The following DOCK2 variants were observed in gnomAD, a reference collection of about 807,000 sequenced individuals.
DOCK2 encodes the protein dedicator of cytokinesis protein 2.
DOCK2 carries 87 observed loss-of-function variants against 248.9 expected under a neutral mutation model. That is an observed-to-expected ratio of 0.35 (90% CI 0.29 to 0.42). The LOEUF (loss-of-function observed/expected upper bound fraction) is 0.42, where lower values mean the gene tolerates loss of function less well. Among genes scored for constraint, DOCK2 ranks in the 10% least tolerant of loss-of-function variants. The pLI, the probability that DOCK2 is intolerant of heterozygous loss-of-function variation, is 1.00. For synonymous variants in DOCK2, 805 were observed against 821.6 expected (o/e 0.98, Z 0.35); for missense variants, 1,747 against 2,300.2 (o/e 0.76, Z 4.92).
At chr5:169,882,831 C>CTCCTGACACCTGCT in intron 27 of DOCK2, 1 of 1,550,840 alleles carries the variant, frequency 6.4e-7, no homozygotes, top group Non-Finnish European at 8.7e-7. Context: ...TTGCCGTCTG[C>CTCCTGACACCTGCT]TCCTGACACC....
Position 170,045,829 on chromosome 5 carries a change from C to T in DOCK2, c.3890C>T (p.Ala1297Val). The change falls in exon 39 of 52, where the codon GCC becomes GTC. Residue 1297 changes from alanine (A) to valine (V), a missense_variant. Ala to Val is a moderately conservative substitution (Grantham distance 64). Around this residue, in one of 4 missense-constraint regions of DOCK2, gnomAD observed 858 missense variants for 1,183.5 expected, o/e 0.72. Transcript: ENST00000520908. The part of the protein sequence containing the change: ...YFDKGKMWEE[A>V]ISLCKELAEQ... Reference sequence around the variant, plus strand: ...ACCTTCCTGTAGATGTGGGAAGAGGCCATAAGTCTGTGCAAGGAGCTGGCG... The same window carrying T: ...ACCTTCCTGTAGATGTGGGAAGAGGTCATAAGTCTGTGCAAGGAGCTGGCG... 6.2e-7 allele frequency: 1 copy of T among 1,614,108 alleles called. No homozygotes were observed. Among genetic ancestry groups the T allele is most frequent in the Non-Finnish European group, 8.5e-7 (1 of 1,179,988 alleles).
At chr5:170,021,723 A>C (rs761512313) in intron 33 of DOCK2, among the ~76,000 whole-genome samples, 27 of 152,172 alleles carry the variant, frequency 1.8e-4, no homozygotes, top group Non-Finnish European at 7.3e-5. Context: ...GCAGATGCCC[A>C]TGTGAAAACC....
chr5:170,062,335 C>G (rs1327092545), intron 44 of DOCK2, among the ~76,000 whole-genome samples: 3 of 152,094 alleles, frequency 2.0e-5, no homozygotes, highest in South Asian at 2.1e-4. Context: ...CCTCCACCCC[C>G]AAATGCACCA....
Position 169,696,315 on chromosome 5 carries a change from A to G in DOCK2, c.979+377A>G, listed in dbSNP as rs1021188898. 2.0e-5 allele frequency among the ~76,000 whole-genome samples: 3 copies of G among 152,344 alleles called. No individual in the cohort carries two copies. In the East Asian group the frequency reaches 5.8e-4, roughly 29 times the overall value. ...AGGACAGGAAATGCAGTTACACAGA[A>G]TGAGTCACCTACCACACATCTAAAT... On this transcript the variant is annotated intron_variant, in intron 10 of 51. Transcript: ENST00000520908.
At chr5:169,924,358 A>C (rs529677390) in intron 27 of DOCK2, among the ~76,000 whole-genome samples, 8 of 152,228 alleles carry the variant, frequency 5.3e-5, no homozygotes, top group Non-Finnish European at 1.2e-4. Context: ...TTGCTCCCTA[A>C]AAGTCTAACC....
chr5:169,779,722 G>T (rs1369768722), intron 25 of DOCK2, among the ~76,000 whole-genome samples: 1 of 151,598 alleles, frequency 6.6e-6, no homozygotes, highest in Non-Finnish European at 1.5e-5. Flanking sequence ...ATCCCATGCA[G>T]CCCCTTTTCT....
intron 27 of DOCK2, among the ~76,000 whole-genome samples, chr5:169,956,582 G>A (rs1262027529): frequency 6.6e-6 from 1 of 152,176 alleles, no homozygotes; most frequent in Non-Finnish European, 1.5e-5. Flanking sequence ...AAGATGCTGG[G>A]CACAGGTATA....
At chr5:170,008,224 AC>A (rs147027601) in intron 30 of DOCK2, among the ~76,000 whole-genome samples, 9,260 of 73,380 alleles carry the variant, frequency 0.13, 360 homozygotes, top group South Asian at 0.2. Context: ...AACAACAACA[AC>A]AAAAAAAAAA....
At chr5:169,963,518 C>T (rs1241917082) in intron 27 of DOCK2, among the ~76,000 whole-genome samples, 2 of 152,094 alleles carry the variant, frequency 1.3e-5, no homozygotes, top group Non-Finnish European at 2.9e-5. Flanking sequence ...TGTGCATGTC[C>T]CTTAGAGCTG....
intron 26 of DOCK2, among the ~76,000 whole-genome samples, chr5:169,813,132 C>T (rs1433953600): frequency 6.6e-6 from 1 of 152,206 alleles, no homozygotes; most frequent in East Asian, 1.9e-4. Flanking sequence ...TGAGCTGGAG[C>T]TGGCTCTTTC....
Position 169,763,673 on chromosome 5 carries a change from G to T in DOCK2, c.2554+2048G>T, listed in dbSNP as rs905490732. Among the ~76,000 whole-genome samples, 3 of 152,206 alleles carry T rather than the reference G, an allele frequency of 2.0e-5. No homozygotes were observed. Among genetic ancestry groups the T allele is most frequent in the African/African-American group, 4.8e-5 (2 of 41,446 alleles). ...AGTCCTGCTGTGTGTCTGGGTTTCA[G>T]ATTCAGTAGAAACCCTCTGATTAAT... On this transcript the variant is annotated intron_variant, in intron 25 of 51. Transcript: ENST00000520908. This position sits in a 1 kb window ranked among gnomAD's most constrained non-coding sequence, Gnocchi z 4.1.
At chr5:169,720,515 C>G (rs1762138333) in intron 22 of DOCK2, among the ~76,000 whole-genome samples, 1 of 151,726 alleles carries the variant, frequency 6.6e-6, no homozygotes, top group Non-Finnish European at 1.5e-5. Context: ...GATTGAGCTT[C>G]TTTACAAAGC....
intron 41 of DOCK2, among the ~76,000 whole-genome samples, chr5:170,051,576 T>C (rs1756917331): frequency 6.6e-6 from 1 of 152,196 alleles, no homozygotes; most frequent in African/African-American, 2.4e-5. Flanking sequence ...TTCATGACCC[T>C]GGTATCTCAA....
intron 1 of DOCK2, among the ~76,000 whole-genome samples, chr5:169,647,322 A>T: frequency 6.6e-6 from 1 of 150,992 alleles, no homozygotes; most frequent in East Asian, 2.0e-4. Flanking sequence ...TAGATGGATG[A>T]TAGATGGGTG....
At chr5:170,048,942 C>T (rs1201695300) in intron 40 of DOCK2, among the ~76,000 whole-genome samples, 1 of 152,168 alleles carries the variant, frequency 6.6e-6, no homozygotes, top group African/African-American at 2.4e-5. Flanking sequence ...ATAAATCACT[C>T]ACAATTATTA....
chr5:170,002,952 T>C (rs911403276), intron 30 of DOCK2, among the ~76,000 whole-genome samples: 1 of 152,154 alleles, frequency 6.6e-6, no homozygotes, highest in African/African-American at 2.4e-5. Flanking sequence ...CTGGGACCCT[T>C]TGAAGAATTT....
At chr5:169,941,964 T>G (rs887965093) in intron 27 of DOCK2, among the ~76,000 whole-genome samples, 1 of 152,238 alleles carries the variant, frequency 6.6e-6, no homozygotes, top group Non-Finnish European at 1.5e-5. Flanking sequence ...CATTCAGAAG[T>G]AAAACTGTAT....
chr5:169,806,287 C>T (rs1767354824), intron 26 of DOCK2, among the ~76,000 whole-genome samples: 1 of 136,564 alleles, frequency 7.3e-6, no homozygotes, highest in South Asian at 2.6e-4. Context: ...CTATAGGTAC[C>T]AGCCACCACA....
intron 27 of DOCK2, among the ~76,000 whole-genome samples, chr5:169,859,048 A>T (rs1771035885): frequency 6.6e-6 from 1 of 152,022 alleles, no homozygotes; most frequent in Non-Finnish European, 1.5e-5. Flanking sequence ...AAAAGAAGAG[A>T]TTGCATGTGG....
Sources: allele counts gnomAD v4.1 joint callset (sites outside exome capture counted in the v4.1 genomes callset), GRCh38; gene constraint gnomAD v4.1.1; regional missense constraint gnomAD v4.1.1; non-coding constraint Gnocchi (gnomAD v3.1); transcripts MANE v1.5; gene names NCBI Gene and HGNC (gene_info 2026-07-23, HGNC 2026-07-21).